MYO7A: variants seen among roughly 807,000 people sequenced by gnomAD.
MYO7A encodes unconventional myosin-VIIa.
Under a neutral mutation model 263.8 loss-of-function variants are expected in MYO7A, and 210 were observed. That is an observed-to-expected ratio of 0.80 (90% CI 0.71 to 0.89). The LOEUF (loss-of-function observed/expected upper bound fraction) is 0.89. MYO7A is among the 40% of genes least tolerant of loss of function. MYO7A has a pLI of 0.00. For synonymous variants in MYO7A, 1,239 were observed against 1,197.3 expected, an observed-to-expected ratio of 1.03 and a Z score of -0.72; for missense variants, 2,820 against 2,968.3, an observed-to-expected ratio of 0.95 and a Z score of 1.16.
At position 77,159,999 on chromosome 11, in the gene MYO7A, A is replaced by G. The variant is rs1006935165; in HGVS notation, c.1081-164A>G. 8.5e-5 allele frequency among the ~76,000 whole-genome samples: 13 copies of G among 152,208 alleles called. 1 individual carries two copies. Among genetic ancestry groups the G allele is most frequent in the Admixed American group, 2.6e-4 (4 of 15,288 alleles). ...AGTTCCTTCCAGGCAGCACTGGGGC[A>G]GGTTTCCATGGCTAGGGAGGATTTG... On this transcript the variant is annotated intron_variant, in intron 10 of 48. Coordinates refer to ENST00000409709, the MANE Select transcript of MYO7A (RefSeq NM_000260.4).
At chr11:77,187,974 C>G (rs1334972871) in intron 27 of MYO7A, among the ~76,000 whole-genome samples, 3 of 152,208 alleles carry the variant, frequency 2.0e-5, no homozygotes, top group African/African-American at 7.2e-5. Context: ...GGGCCACCTG[C>G]CAACAGGAGG....
chr11:77,163,064 T>C (rs1953164377), intron 14 of MYO7A, 76 bp downstream of exon 14: 6 of 1,516,192 alleles, frequency 4.0e-6, no homozygotes, highest in Non-Finnish European at 5.4e-6. Flanking sequence ...AGGAATAAGA[T>C]ATCCGGAATT....
chr11:77,151,583 G>T (rs1383973045), intron 4 of MYO7A, among the ~76,000 whole-genome samples: 1 of 152,200 alleles, frequency 6.6e-6, no homozygotes, highest in Admixed American at 6.5e-5. Flanking sequence ...GACCACACGT[G>T]CTGTATCCCT....
chr11:77,202,572 GC>G, intron 37 of MYO7A, 148 bp downstream of exon 37: 1 of 1,087,014 alleles, frequency 9.2e-7, no homozygotes, highest in Non-Finnish European at 1.3e-6. Flanking sequence ...GTTTCTGTCT[GC>G]CAGGATGACC....
intron 34 of MYO7A, among the ~76,000 whole-genome samples, chr11:77,199,118 G>A (rs576821245): frequency 6.6e-6 from 1 of 152,322 alleles, no homozygotes; most frequent in South Asian, 2.1e-4. Context: ...TCTGGGGCTT[G>A]TAGCAGTGTC....
Position 77,203,060 on chromosome 11 carries a change from G to T in MYO7A, c.5169G>T (p.Arg1723Ser), listed in dbSNP as rs1211919207. The T allele has an allele frequency of 6.5e-7, 1 of 1,547,782 alleles. No individual in the cohort carries two copies. Among genetic ancestry groups the T allele is most frequent in the Admixed American group, 2.0e-5 (1 of 50,988 alleles). ...TLEEFSYDYF[R>S]PPPKHTLSRV... ...GCTGACGGTCCCTGTGCTGCGGCAG[G>T]CCCCCACCCAAGCACACGCTGAGCC... Residue 1723 changes from arginine (R) to serine (S), a missense_variant and splice_region_variant, in exon 38 of 49, where the codon AGG (arginine) becomes AGT (serine). Arg to Ser is a moderately radical substitution (Grantham distance 110). Coordinates refer to ENST00000409709, the MANE Select transcript of MYO7A (RefSeq NM_000260.4).
In MYO7A at chr11:77,190,782, C is replaced by A. The variant is rs766245260; in HGVS notation, c.3836C>A (p.Thr1279Lys). Residue 1279 changes from threonine to lysine, a missense_variant, in exon 30 of 49, where the codon ACG (threonine) becomes AAG (lysine). Transcript: ENST00000409709. ...TKTLLTDSAT[T>K]AKELCNALAD... The stretch of plus-strand genomic sequence containing the variant: ...ACCCTGCTGACGGACTCGGCAACCA[C>A]GGCCAAGGAGCTCTGCAACGCGCTG... 1 of 1,596,954 alleles carries A rather than the reference C, an allele frequency of 6.3e-7. No homozygotes were observed. The highest frequency in any genetic ancestry group is 2.3e-5 in the East Asian group (1 of 44,040).
intron 43 of MYO7A, 22 bp downstream of exon 43, chr11:77,208,539 A>T (rs765890619): frequency 6.2e-7 from 1 of 1,602,442 alleles, no homozygotes; most frequent in Admixed American, 1.7e-5. Flanking sequence ...GGGTCCTGGG[A>T]TCATCTGAGG....
Position 77,174,880 on chromosome 11 carries a change from T to C in MYO7A, c.2060T>C (p.Val687Ala). ...SFVEFVERYR[V>A]LLPGVKPAYK... ...GTAGAGTTTGTGGAGCGGTACCGTG[T>C]GCTGCTGCCAGGTGTGAAGCCGGCC... Residue 687 changes from valine to alanine, a missense_variant, in exon 17 of 49, where the codon GTG (valine) becomes GCG (alanine). By Grantham distance (64) the Val-to-Ala change is moderately conservative (BLOSUM62 0). Coordinates refer to ENST00000409709, the MANE Select transcript of MYO7A (RefSeq NM_000260.4). The C allele has an allele frequency of 6.2e-7, 1 of 1,613,696 alleles. No individual in the cohort carries two copies. Among genetic ancestry groups the C allele is most frequent in the Non-Finnish European group, 8.5e-7 (1 of 1,179,874 alleles).
chr11:77,206,367 C>G (rs1170600910), intron 41 of MYO7A, among the ~76,000 whole-genome samples, 165 bp downstream of exon 41: 3 of 152,218 alleles, frequency 2.0e-5, no homozygotes, highest in African/African-American at 7.2e-5. Context: ...CATCGACTCC[C>G]CAGGTCAGGG....
At chr11:77,188,412 T>TA (rs1237874010) in intron 27 of MYO7A, among the ~76,000 whole-genome samples, 14 of 152,140 alleles carry the variant, frequency 9.2e-5, no homozygotes, top group African/African-American at 2.9e-4. Context: ...TTTATCATGA[T>TA]AAAAAAATGG....
At chr11:77,192,405 C>T (rs976252797) in intron 31 of MYO7A, 127 bp downstream of exon 31, 14 of 948,292 alleles carry the variant, frequency 1.5e-5, no homozygotes, top group Non-Finnish European at 2.0e-5. Context: ...TGCAACCAGG[C>T]ACTCTTCAGG....
chr11:77,198,672 C>G, intron 34 of MYO7A, 51 bp downstream of exon 34: 1 of 1,608,992 alleles, frequency 6.2e-7, no homozygotes, highest in Non-Finnish European at 8.5e-7. Flanking sequence ...AGGAGAGGGG[C>G]TGGAGCTTCC....
chr11:77,206,720 C>G (rs1957466659), intron 41 of MYO7A, among the ~76,000 whole-genome samples: 1 of 152,224 alleles, frequency 6.6e-6, no homozygotes, highest in Non-Finnish European at 1.5e-5. Context: ...CAGCCCCTGC[C>G]TGTCTCAACA....
At chr11:77,180,927 TA>T (rs1555083728) in intron 22 of MYO7A, among the ~76,000 whole-genome samples, 1 of 152,254 alleles carries the variant, frequency 6.6e-6, no homozygotes, top group African/African-American at 2.4e-5. Flanking sequence ...ATCTCAGTAT[TA>T]TTTTTATAAT....
At chr11:77,210,299 T>G (rs570050459) in intron 44 of MYO7A, among the ~76,000 whole-genome samples, 1 of 152,230 alleles carries the variant, frequency 6.6e-6, no homozygotes, top group African/African-American at 2.4e-5. Flanking sequence ...GATGGGTGAG[T>G]AGGTAAACTG....
intron 29 of MYO7A, 129 bp from the exon 30 acceptor site, chr11:77,190,568 C>T (rs995649744): frequency 2.5e-6 from 1 of 393,958 alleles, no homozygotes; most frequent in African/African-American, 5.3e-5. Context: ...CAAGCAGTGT[C>T]CCAGTGAGGT....
intron 22 of MYO7A, among the ~76,000 whole-genome samples, chr11:77,180,909 T>C (rs926472942): frequency 6.6e-6 from 1 of 152,230 alleles, no homozygotes; most frequent in African/African-American, 2.4e-5. Flanking sequence ...GAAAAATGAA[T>C]ATAAAATATC....
At chr11:77,151,608 C>T (rs1258619749) in intron 4 of MYO7A, among the ~76,000 whole-genome samples, 1 of 152,180 alleles carries the variant, frequency 6.6e-6, no homozygotes, top group Non-Finnish European at 1.5e-5. Flanking sequence ...TGGGAATAGT[C>T]CTCCTCTCTC....
Sources: allele counts gnomAD v4.1 joint callset (sites outside exome capture counted in the v4.1 genomes callset), GRCh38; gene constraint gnomAD v4.1.1; transcripts MANE v1.5; gene names NCBI Gene and HGNC (gene_info 2026-07-23, HGNC 2026-07-21).